CARS2: variants seen among roughly 807,000 people sequenced by gnomAD.
The protein encoded by CARS2 is cysteinyl-tRNA synthetase 2, mitochondrial.
CARS2 carries 52 observed loss-of-function variants against 68.8 expected under a neutral mutation model. That is an observed-to-expected ratio of 0.76 (90% CI 0.61 to 0.95). The LOEUF (loss-of-function observed/expected upper bound fraction) is 0.95. Ranked by LOEUF, CARS2 falls within the 40% of genes least tolerant of loss-of-function variation. CARS2 has a pLI of 0.00. For missense variants in CARS2, 780 were observed against 754.2 expected (o/e 1.03, Z -0.40); for synonymous variants, 314 against 303.6 (o/e 1.03, Z -0.36).
At chr13:110,702,367 T>G (rs1335316610) in intron 2 of CARS2, among the ~76,000 whole-genome samples, 33 of 152,124 alleles carry the variant, frequency 2.2e-4, no homozygotes, top group Admixed American at 1.3e-4. Context: ...ATAATTAACC[T>G]CTTACAGCTC....
intron 6 of CARS2, among the ~76,000 whole-genome samples, chr13:110,679,597 A>AAGAAAG (rs1312030282): frequency 0.046 from 1,993 of 43,556 alleles, 96 homozygotes; most frequent in African/African-American, 0.1. Context: ...GAAAGAAAGA[A>AAGAAAG]AGAGAGAGAG....
At chr13:110,649,823 C>T (rs1217500859) in intron 10 of CARS2, among the ~76,000 whole-genome samples, 1 of 152,064 alleles carries the variant, frequency 6.6e-6, no homozygotes, top group Non-Finnish European at 1.5e-5. Flanking sequence ...TCCTGCAGCA[C>T]TAGCCATACA....
At position 110,705,543 on chromosome 13, in the gene CARS2, G is replaced by A. The variant is rs142620615; in HGVS notation, c.253C>T (p.His85Tyr). 2 of 1,610,644 alleles carry A rather than the reference G, an allele frequency of 1.2e-6. No individual in the cohort carries two copies. The highest frequency in any genetic ancestry group is 2.7e-5 in the African/African-American group (2 of 74,874). ...CACCAAGCATGGCCAAGGTGCGCAT[G>A]ATCATATACAGTTGGTCCACAGCTA... ...WYSCGPTVYD[H>Y]AHLGHACSYV... Residue 85 changes from histidine to tyrosine, a missense_variant, in exon 2 of 15, where the codon CAT becomes TAT. Physicochemically the swap from His to Tyr is moderately conservative, Grantham distance 83. Coordinates refer to ENST00000257347, the MANE Select transcript of CARS2 (RefSeq NM_024537.4). This position sits in a 1 kb window ranked among gnomAD's most constrained non-coding sequence, Gnocchi z 4.0.
At position 110,665,576 on chromosome 13, in the gene CARS2, C is replaced by A. The variant is rs1302422012; in HGVS notation, c.919+1764G>T. 7 of 985,208 alleles carry A rather than the reference C, an allele frequency of 7.1e-6. No individual in the cohort carries two copies. Among genetic ancestry groups the A allele is most frequent in the Non-Finnish European group, 8.4e-6 (7 of 829,964 alleles). The allele number at this position is 985,208 out of a possible 1,614,324, so 61.0% of individuals were successfully genotyped here. On this transcript the variant is annotated intron_variant, in intron 8 of 14. Transcript: ENST00000257347. This position sits in a 1 kb window ranked among gnomAD's most constrained non-coding sequence, Gnocchi z 4.3. ...AGCTAAGGCTGCCCTTCTTGCCCCC[C>A]AGCTCCACACTCGCAGAAGGGCTCA... is the stretch of plus-strand genomic sequence containing the variant.
rs1333281567 is a variant in CARS2, at chr13:110,653,421, G to A, written c.988-2321C>T. ...CCGAGGTGCTGTGGTTCCAATTAACGCACACAGCCATGTCCTGCCGGTTTC... is the reference window on the plus strand; with the variant it reads ...CCGAGGTGCTGTGGTTCCAATTAACACACACAGCCATGTCCTGCCGGTTTC... On this transcript the variant is annotated intron_variant, in intron 9 of 14. Transcript: ENST00000257347. This position sits in a 1 kb window ranked among gnomAD's most constrained non-coding sequence, Gnocchi z 5.6. Among the ~76,000 whole-genome samples, 7 of 152,074 alleles carry A rather than the reference G, an allele frequency of 4.6e-5. No individual in the cohort carries two copies. The highest frequency in any genetic ancestry group is 1.3e-4 in the Admixed American group (2 of 15,284).
At chr13:110,667,077 GT>G in intron 8 of CARS2, 1 of 607,830 alleles carries the variant, frequency 1.6e-6, no homozygotes, top group Non-Finnish European at 2.1e-6. Context: ...CTTCTTAATA[GT>G]TTTACTTGAA....
chr13:110,711,503 C>T (rs2064027578), intron 1 of CARS2, among the ~76,000 whole-genome samples: 1 of 152,224 alleles, frequency 6.6e-6, no homozygotes, highest in Non-Finnish European at 1.5e-5. Flanking sequence ...CGTGAGCCAC[C>T]GCGTCCGGCC....
Position 110,712,917 on chromosome 13 carries a change from G to A in CARS2, n.399+220C>T, listed in dbSNP as rs751857629. The A allele has an allele frequency of 3.2e-6, 5 of 1,551,508 alleles. No individual in the cohort carries two copies. In the Admixed American group the frequency reaches 7.6e-5, roughly 24 times the overall value. On this transcript the variant is annotated intron_variant and non_coding_transcript_variant, in intron 1 of 2. Transcript: ENST00000485188. ...GACGACACAAAGGGAGGGCGGTGAC[G>A]GATGGCGCAGGCGCGGGAGCCGCCT...
At chr13:110,666,424 TG>T (rs1041108030) in intron 8 of CARS2, 28 of 985,238 alleles carry the variant, frequency 2.8e-5, no homozygotes, top group Non-Finnish European at 1.2e-6. Context: ...AGACAAAAAC[TG>T]GGGCACTGTG....
chr13:110,705,989 G>A lies in CARS2; in HGVS notation c.105C>T (p.Ser35=), dbSNP rs1046292970. 6 of 1,502,924 alleles carry A rather than the reference G, an allele frequency of 4.0e-6. No homozygotes were observed. The highest frequency in any genetic ancestry group is 1.4e-5 in the African/African-American group (1 of 69,218). 93.1% of individuals were successfully genotyped at this position (1,502,924 alleles called of 1,614,324 possible). A position where few individuals can be genotyped will look rare whatever the true frequency, so the allele number is the denominator to read the frequency against. The change falls in exon 1 of 15, where the codon AGC becomes AGT. Residue 35 remains serine (S), a synonymous_variant. Coordinates refer to ENST00000257347, the MANE Select transcript of CARS2 (RefSeq NM_024537.4). This position sits in a 1 kb window ranked among gnomAD's most constrained non-coding sequence, Gnocchi z 4.0. ...GCAGCCAGGCCCGCCCGCGCCCCCC[G>A]CTCGCCGCCCGGCCCGCAGGCCAGT... ...GWHWPAGRAA[S]GGRGRAWLQP...
intron 7 of CARS2, among the ~76,000 whole-genome samples, chr13:110,674,025 G>A (rs1205419050): frequency 6.6e-6 from 1 of 152,074 alleles, no homozygotes; most frequent in African/African-American, 2.4e-5. Flanking sequence ...ACCTCTTCAA[G>A]GAGAACTACA....
At chr13:110,656,324 T>A (rs949009796) in intron 9 of CARS2, among the ~76,000 whole-genome samples, 1 of 151,404 alleles carries the variant, frequency 6.6e-6, no homozygotes, top group Non-Finnish European at 1.5e-5. Flanking sequence ...AAAAGTAAAT[T>A]GAAAAGGGGA....
intron 7 of CARS2, among the ~76,000 whole-genome samples, chr13:110,673,872 G>T (rs2062871156): frequency 6.6e-6 from 1 of 152,054 alleles, no homozygotes; most frequent in African/African-American, 2.4e-5. Context: ...AAAGTCTCAG[G>T]ATACAAAATC....
chr13:110,693,007 G>A (rs930428128), intron 3 of CARS2, among the ~76,000 whole-genome samples: 1 of 150,838 alleles, frequency 6.6e-6, no homozygotes, highest in Non-Finnish European at 1.5e-5. Flanking sequence ...CCATTTGGGA[G>A]GCTGAGGCAG....
intron 3 of CARS2, among the ~76,000 whole-genome samples, chr13:110,693,726 A>G (rs2063541886): frequency 6.6e-6 from 1 of 152,086 alleles, no homozygotes; most frequent in South Asian, 2.1e-4. Flanking sequence ...CATTCCTCAT[A>G]CCGGGGTAGT....
intron 3 of CARS2, among the ~76,000 whole-genome samples, chr13:110,689,994 C>T (rs770074161): frequency 5.3e-5 from 8 of 152,092 alleles, no homozygotes; most frequent in Admixed American, 3.3e-4. Flanking sequence ...TTTGGGAGGC[C>T]GACGTGGGCA....
chr13:110,659,194 C>T (rs938798559), intron 9 of CARS2, among the ~76,000 whole-genome samples: 1 of 152,124 alleles, frequency 6.6e-6, no homozygotes, highest in African/African-American at 2.4e-5. Context: ...GATAAAGCCC[C>T]TGAAGGGTAC....
At chr13:110,688,382 G>A (rs1256389752) in intron 3 of CARS2, among the ~76,000 whole-genome samples, 1 of 152,210 alleles carries the variant, frequency 6.6e-6, no homozygotes, top group Admixed American at 6.5e-5. Flanking sequence ...CCATGAGGTT[G>A]AAGCTGCGAA....
At chr13:110,704,627 G>A (rs1441040119) in intron 2 of CARS2, among the ~76,000 whole-genome samples, 1 of 152,162 alleles carries the variant, frequency 6.6e-6, no homozygotes, top group African/African-American at 2.4e-5. Context: ...CGGAGGCTGA[G>A]GCAGGAGAAT....
Sources: allele counts gnomAD v4.1 joint callset (sites outside exome capture counted in the v4.1 genomes callset), GRCh38; gene constraint gnomAD v4.1.1; non-coding constraint Gnocchi (gnomAD v3.1); transcripts MANE v1.5; gene names NCBI Gene and HGNC (gene_info 2026-07-23, HGNC 2026-07-21).